NEDD9: variants seen among roughly 807,000 people sequenced by gnomAD.
NEDD9 encodes the protein neural precursor cell expressed, developmentally down-regulated 9.
A neutral mutation model predicts 76.6 loss-of-function variants in NEDD9; 26 were observed. That is an observed-to-expected ratio of 0.34 (90% CI 0.25 to 0.47). The LOEUF is 0.47. Ranked by LOEUF, NEDD9 falls within the 20% of genes least tolerant of loss-of-function variation. NEDD9 has a pLI of 1.00. For synonymous variants in NEDD9, 392 were observed against 414.2 expected, an observed-to-expected ratio of 0.95 and a Z score of 0.65; for missense variants, 937 against 1,058.5, an observed-to-expected ratio of 0.89 and a Z score of 1.59.
chr6:11,316,856 C>T (rs2113455703), intron 2 of NEDD9, among the ~76,000 whole-genome samples: 1 of 152,244 alleles, frequency 6.6e-6, no homozygotes, highest in East Asian at 1.9e-4. Flanking sequence ...ATAAATGTCT[C>T]CTGGATAAAA....
rs7745959 is a variant in NEDD9 at position 11,202,484 on chromosome 6, T to C, written c.460-8792A>G. On this transcript the variant is annotated intron_variant, in intron 2 of 6. Transcript: ENST00000379446. The stretch of plus-strand genomic sequence containing the variant: ...CATTACCATTATCACTGCCTGCCCA[T>C]TAGAACTGGGATCCAATTTTCAGAA... 9.2e-3 allele frequency among the ~76,000 whole-genome samples: 1,397 copies of C among 152,314 alleles called. 16 individuals carry two copies. Among genetic ancestry groups the C allele is most frequent in the African/African-American group, 0.031 (1,309 of 41,578 alleles).
intron 1 of NEDD9, among the ~76,000 whole-genome samples, chr6:11,228,093 G>C (rs1759359523): frequency 6.7e-6 from 1 of 149,420 alleles, no homozygotes; most frequent in Non-Finnish European, 1.5e-5. Flanking sequence ...CAGTAGATAG[G>C]TGCGGGTGGG....
chr6:11,187,782 A>T (rs1758015781), intron 6 of NEDD9, among the ~76,000 whole-genome samples: 1 of 152,206 alleles, frequency 6.6e-6, no homozygotes, highest in African/African-American at 2.4e-5. Context: ...AAGTAGACTG[A>T]TAGAAAGAAG....
chr6:11,305,971 T>C, intron 3 of NEDD9: 1 of 1,613,332 alleles, frequency 6.2e-7, no homozygotes, highest in Non-Finnish European at 8.5e-7. Context: ...AAATTGTCTG[T>C]TTTTTTCTAT....
chr6:11,321,173 G>A (rs565756584), intron 2 of NEDD9, among the ~76,000 whole-genome samples: 1 of 136,826 alleles, frequency 7.3e-6, no homozygotes, highest in African/African-American at 2.8e-5. Flanking sequence ...GGGAAAGAAG[G>A]AAGGAGGGAG....
chr6:11,270,171 T>G lies in NEDD9; in HGVS notation c.12+35821A>C, dbSNP rs554222900. Among the ~76,000 whole-genome samples the G allele has an allele frequency of 3.9e-5, 6 of 152,334 alleles. No homozygotes were observed. The East Asian group carries it at 1.2e-3, about 29-fold the overall frequency. On this transcript the variant is annotated intron_variant, in intron 3 of 3. Coordinates refer to the NEDD9 transcript ENST00000397378. ...CCACTCTCTTGTTGATAAACAAAGA[T>G]AAAACACTCTCCTGATGAAAGGGGT...
At chr6:11,375,974 G>C (rs576821673) in intron 1 of NEDD9, among the ~76,000 whole-genome samples, 27 of 152,200 alleles carry the variant, frequency 1.8e-4, no homozygotes, top group East Asian at 1.7e-3. Flanking sequence ...ACAGGCGCCC[G>C]TCACCACACC....
At chr6:11,355,869 C>A (rs531017266) in intron 1 of NEDD9, among the ~76,000 whole-genome samples, 4 of 151,302 alleles carry the variant, frequency 2.6e-5, no homozygotes, top group East Asian at 3.9e-4. Flanking sequence ...TACAGGCACC[C>A]GCCACCACGC....
intron 3 of NEDD9, among the ~76,000 whole-genome samples, chr6:11,292,331 C>T (rs760679): frequency 0.027 from 4,139 of 152,336 alleles, 115 homozygotes; most frequent in African/African-American, 0.071. Context: ...TGTTTATTTT[C>T]TGGACCTTGG....
chr6:11,336,683 A>C (rs147813600), intron 1 of NEDD9, among the ~76,000 whole-genome samples: 1 of 152,366 alleles, frequency 6.6e-6, no homozygotes, highest in Non-Finnish European at 1.5e-5. Context: ...TACATTTATC[A>C]AACAATTTTT....
chr6:11,213,281 C>G lies in NEDD9; in HGVS notation c.459G>C (p.Lys153Asn). The stretch of plus-strand genomic sequence containing the variant: ...AAAATTTAGTTAGTCATTTACTCAC[C>G]TTTTTACCCACGTGGGGCCCACTGG... ...GGTSGPHVGK[K>N]VITPVRTGHG... is the part of the protein sequence containing the mutation. The change falls in exon 2 of 7, where the codon AAG (lysine) becomes AAC (asparagine). Residue 153 changes from lysine (K) to asparagine (N), a missense_variant and splice_region_variant. Physicochemically the swap from Lys to Asn is moderately conservative, Grantham distance 94. Transcript: ENST00000379446. This position sits in a 1 kb window ranked among gnomAD's most constrained non-coding sequence, Gnocchi z 5.4. The G allele has an allele frequency of 6.3e-7, 1 of 1,594,792 alleles. No individual in the cohort carries two copies.
intron 1 of NEDD9, among the ~76,000 whole-genome samples, chr6:11,377,553 T>G (rs1266359808): frequency 1.3e-5 from 2 of 152,246 alleles, no homozygotes; most frequent in Non-Finnish European, 2.9e-5. Context: ...TTCTCCCTTT[T>G]GGAATGGTAA....
At chr6:11,361,986 A>C (rs1301119950) in intron 1 of NEDD9, among the ~76,000 whole-genome samples, 1 of 152,212 alleles carries the variant, frequency 6.6e-6, no homozygotes, top group Non-Finnish European at 1.5e-5. Flanking sequence ...AGAAGAAAAA[A>C]GTCTTCATGA....
chr6:11,259,732 G>A (rs1487919626), intron 3 of NEDD9, among the ~76,000 whole-genome samples: 2 of 152,138 alleles, frequency 1.3e-5, no homozygotes, highest in Non-Finnish European at 2.9e-5. Flanking sequence ...AGGAACAATA[G>A]ATATAATTTC....
intron 1 of NEDD9, among the ~76,000 whole-genome samples, chr6:11,378,930 T>C (rs565243029): frequency 7.2e-5 from 11 of 152,364 alleles, no homozygotes; most frequent in African/African-American, 2.6e-4. Flanking sequence ...GGAACTACCA[T>C]ACAATGGAGC....
Position 11,183,867 on chromosome 6 carries a change from A to ACCTGC in NEDD9, c.*1294_*1295insGCAGG, listed in dbSNP as rs1394216250. ...CTCTTGGTAATATGTGAATACATTTACCCATGGGGTAGAAGTATTTCACCT... is the reference window on the plus strand; with the variant it reads ...CTCTTGGTAATATGTGAATACATTTACCTGCCCCATGGGGTAGAAGTATTTCACCT... On this transcript the variant is annotated 3_prime_UTR_variant, in exon 7 of 7. Transcript: ENST00000379446. The ACCTGC allele has an allele frequency of 1.3e-5, 2 of 152,248 alleles. No individual in the cohort carries two copies. Among genetic ancestry groups the ACCTGC allele is most frequent in the Non-Finnish European group, 2.9e-5 (2 of 68,052 alleles). The allele number at this position is 152,248 out of a possible 1,614,324, so 9.4% of individuals were successfully genotyped here.
intron 3 of NEDD9, among the ~76,000 whole-genome samples, chr6:11,248,578 C>T: frequency 6.6e-6 from 1 of 152,336 alleles, no homozygotes; most frequent in South Asian, 2.1e-4. Context: ...AACAGCTGGA[C>T]AGGGAAGGGG....
chr6:11,293,862 C>T (rs190220779), intron 3 of NEDD9, among the ~76,000 whole-genome samples: 1 of 152,208 alleles, frequency 6.6e-6, no homozygotes, highest in East Asian at 1.9e-4. Flanking sequence ...TTTTTAGATG[C>T]CATATATAAA....
intron 3 of NEDD9, among the ~76,000 whole-genome samples, chr6:11,302,669 G>A (rs537129346): frequency 6.6e-6 from 1 of 152,226 alleles, no homozygotes; most frequent in South Asian, 2.1e-4. Context: ...TATCCACCAC[G>A]ATCACATTGG....
Sources: gnomAD v4.1 joint callset for allele counts (sites outside exome capture counted in the v4.1 genomes callset) on GRCh38, gnomAD v4.1.1 for gene constraint, Gnocchi (gnomAD v3.1) non-coding constraint, MANE v1.5 for transcripts, NCBI Gene and HGNC (gene_info 2026-07-23, HGNC 2026-07-21) for gene names.